CCND3: variants seen among roughly 807,000 people sequenced by gnomAD.
CCND3 encodes the protein G1/S-specific cyclin-D3.
A neutral mutation model predicts 28.7 loss-of-function variants in CCND3; 9 were observed. That is an observed-to-expected ratio of 0.31 (90% CI 0.19 to 0.55). The LOEUF (loss-of-function observed/expected upper bound fraction) is 0.55. CCND3 is among the 20% of genes least tolerant of loss of function. The probability of loss-of-function intolerance (pLI) is 0.93; values close to 1 mark genes in which losing one functional copy is unlikely to be tolerated. For synonymous variants in CCND3, 164 were observed against 163.9 expected, an observed-to-expected ratio of 1.00 and a Z score of 0.00; for missense variants, 315 against 385.8, an observed-to-expected ratio of 0.82 and a Z score of 1.54.
In CCND3 at chr6:41,939,030, C is replaced by T. The variant is rs1002656555; in HGVS notation, c.414+1340G>A. Among the ~76,000 whole-genome samples, 1 of 152,160 alleles carries T rather than the reference C, an allele frequency of 6.6e-6. No homozygotes were observed. The highest frequency in any genetic ancestry group is 1.5e-5 in the Non-Finnish European group (1 of 68,024). On this transcript the variant is annotated intron_variant, in intron 2 of 4. Transcript: ENST00000372991. This position sits in a 1 kb window ranked among gnomAD's most constrained non-coding sequence, Gnocchi z 4.2. ...CCATCTTTTCACAAAAAGGAAGTTC[C>T]CCTTCTACCTTCCAGCCCCAACCCC...
At chr6:41,946,624 A>AAAAAAAG (rs1776177605), upstream of CCND3, among the ~76,000 whole-genome samples, 1 of 146,056 alleles carries the variant, frequency 6.8e-6, no homozygotes, top group African/African-American at 2.6e-5. Flanking sequence ...AAAAAAAAAA[A>AAAAAAAG]GCAGTAAACC....
intron 2 of CCND3, 143 bp from the exon 3 acceptor site, chr6:41,937,537 G>A (rs3218097): frequency 0.23 from 207,811 of 920,002 alleles, 25,658 homozygotes; most frequent in Non-Finnish European, 0.25. Context: ...TTTTAAGGCC[G>A]GGCACCATGG....
At chr6:42,006,636 C>T (rs746238056) in intron 1 of CCND3, among the ~76,000 whole-genome samples, 7 of 152,154 alleles carry the variant, frequency 4.6e-5, no homozygotes, top group East Asian at 1.9e-4. Flanking sequence ...CAGCCAGGCG[C>T]GGTGGCCCAT....
chr6:41,951,878 C>T (rs1339205670), intron 1 of CCND3, among the ~76,000 whole-genome samples: 1 of 151,968 alleles, frequency 6.6e-6, no homozygotes, highest in Non-Finnish European at 1.5e-5. Context: ...CCTGCCTCAG[C>T]CTCCTAAGTA....
intron 1 of CCND3, among the ~76,000 whole-genome samples, chr6:42,002,439 CA>C (rs57696991): frequency 1.5e-4 from 21 of 140,364 alleles, no homozygotes; most frequent in African/African-American, 3.7e-4. Context: ...GACTCCATCT[CA>C]AAAAAAAAAA....
At chr6:41,976,178 C>T (rs1762178398) in intron 1 of CCND3, among the ~76,000 whole-genome samples, 1 of 152,102 alleles carries the variant, frequency 6.6e-6, no homozygotes, top group East Asian at 1.9e-4. Context: ...ATGGTGAAAC[C>T]ATGTCTCCAC....
chr6:41,941,079 C>T lies in CCND3; in HGVS notation c.198+373G>A. ...ACCCCGCGAAAGACACAGGAACCGGCTCCCGGGCGGGGGCGGCCGAGCCCA... is the reference window on the plus strand; with the variant it reads ...ACCCCGCGAAAGACACAGGAACCGGTTCCCGGGCGGGGGCGGCCGAGCCCA... On this transcript the variant is annotated intron_variant, in intron 1 of 4. Transcript: ENST00000372991. This position sits in a 1 kb window ranked among gnomAD's most constrained non-coding sequence, Gnocchi z 6.1. 6.4e-7 allele frequency: 1 copy of T among 1,562,484 alleles called. No homozygotes were observed. Among genetic ancestry groups the T allele is most frequent in the Non-Finnish European group, 8.7e-7 (1 of 1,153,482 alleles).
At chr6:42,033,851 C>CAA (rs201674101) in intron 1 of CCND3, among the ~76,000 whole-genome samples, 2 of 125,864 alleles carry the variant, frequency 1.6e-5, no homozygotes, top group African/African-American at 3.0e-5. Context: ...AACTCCGTCT[C>CAA]AAAAAAAAAA....
At chr6:42,004,985 C>T (rs762925173) in intron 1 of CCND3, among the ~76,000 whole-genome samples, 13 of 152,070 alleles carry the variant, frequency 8.5e-5, no homozygotes, top group Non-Finnish European at 1.8e-4. Context: ...TTAAAGAAAG[C>T]ATCAATTCCA....
chr6:41,937,457 G>A, intron 2 of CCND3, 63 bp from the exon 3 acceptor site: 18 of 1,590,826 alleles, frequency 1.1e-5, no homozygotes, highest in Non-Finnish European at 1.5e-5. Context: ...GAGCAAAGCA[G>A]AAGTCTCAAA....
rs553822404 is a variant in CCND3, at chr6:41,948,162, C to A, written c.-45-7577G>T. ...ACCTAAATTTTTAATGCCAGCTCCC[C>A]AGCCCTGACACTTCTTATGCTCTTT... On this transcript the variant is annotated intron_variant, in intron 1 of 4. Coordinates refer to the CCND3 transcript ENST00000372988. Among the ~76,000 whole-genome samples, 42 of 152,160 alleles carry A rather than the reference C, an allele frequency of 2.8e-4. 1 individual carries two copies. In the East Asian group the frequency reaches 7.2e-3, roughly 26 times the overall value.
intron 1 of CCND3, among the ~76,000 whole-genome samples, chr6:42,037,035 T>C (rs1764239224): frequency 6.6e-6 from 1 of 152,106 alleles, no homozygotes; most frequent in Non-Finnish European, 1.5e-5. Context: ...GCCTCTCGGG[T>C]TCACGCCATT....
At chr6:41,969,666 G>A (rs1267293316) in intron 1 of CCND3, among the ~76,000 whole-genome samples, 3 of 151,996 alleles carry the variant, frequency 2.0e-5, no homozygotes, top group Non-Finnish European at 4.4e-5. Context: ...AACCCGGGAG[G>A]TGGAGGTTGC....
intron 1 of CCND3, among the ~76,000 whole-genome samples, chr6:42,041,685 A>G (rs1448046523): frequency 3.9e-5 from 6 of 152,202 alleles, no homozygotes; most frequent in Non-Finnish European, 7.4e-5. Flanking sequence ...CACTTGCCAG[A>G]GTAGAATAAA....
At chr6:41,975,737 CT>C (rs1318433808) in intron 1 of CCND3, among the ~76,000 whole-genome samples, 7,399 of 135,484 alleles carry the variant, frequency 0.055, 322 homozygotes, top group African/African-American at 0.11. Flanking sequence ...GCTTGCTTGA[CT>C]TTTTTTTTTT....
At chr6:42,006,832 CAG>C (rs1763189218) in intron 1 of CCND3, among the ~76,000 whole-genome samples, 1 of 151,348 alleles carries the variant, frequency 6.6e-6, no homozygotes, top group African/African-American at 2.4e-5. Flanking sequence ...GGTGTGAACC[CAG>C]GGGGCAGAGC....
Position 42,007,985 on chromosome 6 carries a change from C to T in CCND3, c.-46+40516G>A, listed in dbSNP as rs558639653. 4.8e-4 allele frequency among the ~76,000 whole-genome samples: 72 copies of T among 150,368 alleles called. No homozygotes were observed. In the East Asian group the frequency reaches 0.013, roughly 26 times the overall value. ...TGTGAAGGCTGGGGACAGCAGCTGG[C>T]GGGGGAGCTGGGGGCTGGGGGAAGT... On this transcript the variant is annotated intron_variant, in intron 1 of 4. Coordinates refer to the CCND3 transcript ENST00000372988.
chr6:41,999,752 A>G (rs1263717727), intron 1 of CCND3, among the ~76,000 whole-genome samples: 1 of 152,070 alleles, frequency 6.6e-6, no homozygotes, highest in Non-Finnish European at 1.5e-5. Context: ...AAGGCCGGAC[A>G]TGGTGGTATG....
At chr6:42,049,407 C>T (rs1262812796), upstream of CCND3, among the ~76,000 whole-genome samples, 3 of 152,210 alleles carry the variant, frequency 2.0e-5, no homozygotes, top group African/African-American at 7.2e-5. Flanking sequence ...ATCTTTCCCC[C>T]AGCTTTACAG....
Sources: gnomAD v4.1 joint callset for allele counts (sites outside exome capture counted in the v4.1 genomes callset) on GRCh38, gnomAD v4.1.1 for gene constraint, Gnocchi (gnomAD v3.1) non-coding constraint, MANE v1.5 for transcripts, NCBI Gene and HGNC (gene_info 2026-07-23, HGNC 2026-07-21) for gene names.